MYO16: variants seen among roughly 807,000 people sequenced by gnomAD.
MYO16 encodes the protein unconventional myosin-XVI.
Under a neutral mutation model 205.3 loss-of-function variants are expected in MYO16, and 94 were observed. The ratio of observed to expected loss-of-function variants is 0.46; its 90% CI spans 0.39 to 0.54. MYO16 has a LOEUF of 0.54. MYO16 is among the 20% of genes least tolerant of loss of function. The pLI, the probability that MYO16 is intolerant of heterozygous loss-of-function variation, is 0.00. For synonymous variants in MYO16, 988 were observed against 954.0 expected (o/e 1.04, Z -0.66); for missense variants, 2,315 against 2,387.5 (o/e 0.97, Z 0.63).
In MYO16 at chr13:109,032,460, A is replaced by G. The variant is rs1011801049; in HGVS notation, c.2796+12549A>G. On this transcript the variant is annotated intron_variant, in intron 23 of 34. Transcript: ENST00000457511. The stretch of plus-strand genomic sequence containing the variant: ...ACAGTATCTTCCTAGCCAGTGAGAC[A>G]AGGCAAAGGTGTAAGAAGGTTCCCA... 2.0e-5 allele frequency among the ~76,000 whole-genome samples: 3 copies of G among 152,206 alleles called. No homozygotes were observed. The South Asian group carries it at 6.2e-4, about 31-fold the overall frequency.
chr13:108,843,651 A>G (rs2139071028), intron 9 of MYO16, among the ~76,000 whole-genome samples: 1 of 152,300 alleles, frequency 6.6e-6, no homozygotes, highest in African/African-American at 2.4e-5. Context: ...TAGGAGGCAC[A>G]TTTTTAAATC....
chr13:108,616,500 A>G (rs1347370659), intron 1 of MYO16, among the ~76,000 whole-genome samples: 1 of 152,072 alleles, frequency 6.6e-6, no homozygotes, highest in Admixed American at 6.6e-5. Context: ...GGGTCATATG[A>G]TGATGACTTG....
chr13:108,972,249 C>CTCTCTCTCTCTCTCTCTATATA (rs1178345437), intron 20 of MYO16, among the ~76,000 whole-genome samples: 1 of 2,852 alleles, frequency 3.5e-4, no homozygotes, highest in East Asian at 0.015. Context: ...CTCTCTCTCT[C>CTCTCTCTCTCTCTCTCTATATA]TATATATATA....
At chr13:109,111,874 G>C (rs1353672174) in intron 28 of MYO16, among the ~76,000 whole-genome samples, 1 of 152,062 alleles carries the variant, frequency 6.6e-6, no homozygotes, top group Non-Finnish European at 1.5e-5. Context: ...TTTTAGTAGA[G>C]ACAGGGTTTC....
chr13:109,146,930 T>C (rs1342972822), intron 32 of MYO16, among the ~76,000 whole-genome samples: 2 of 151,750 alleles, frequency 1.3e-5, no homozygotes, highest in East Asian at 3.8e-4. Context: ...TATTTTATCA[T>C]AGATGTTCTT....
intron 11 of MYO16, among the ~76,000 whole-genome samples, chr13:108,857,599 G>A (rs918253922): frequency 2.6e-5 from 4 of 152,156 alleles, no homozygotes; most frequent in African/African-American, 4.8e-5. Flanking sequence ...AGTTGTTTAT[G>A]CACTTCTCCT....
intron 34 of MYO16, among the ~76,000 whole-genome samples, chr13:109,193,292 T>C (rs1880005651): frequency 6.6e-6 from 1 of 152,234 alleles, no homozygotes; most frequent in African/African-American, 2.4e-5. Context: ...TTTTAATAGG[T>C]TCAGCATTTT....
At chr13:109,054,502 A>G (rs1887350784) in intron 25 of MYO16, among the ~76,000 whole-genome samples, 2 of 152,090 alleles carry the variant, frequency 1.3e-5, no homozygotes, top group South Asian at 4.1e-4. Context: ...CCCCAGAGTA[A>G]ACTACATTTC....
chr13:108,986,154 A>G (rs917241963), intron 20 of MYO16, among the ~76,000 whole-genome samples: 2 of 152,138 alleles, frequency 1.3e-5, no homozygotes, highest in African/African-American at 2.4e-5. Context: ...ATCTGTCCCC[A>G]TGATTCGATT....
At chr13:108,551,494 C>A in the MYO16 span, among the ~76,000 whole-genome samples, 1 of 152,158 alleles carries the variant, frequency 6.6e-6, no homozygotes, top group African/African-American at 2.4e-5. Flanking sequence ...ACAGTGAAGC[C>A]TCTGGTTTAG....
At chr13:108,525,558 A>T in the MYO16 span, among the ~76,000 whole-genome samples, 1 of 152,220 alleles carries the variant, frequency 6.6e-6, no homozygotes, top group Non-Finnish European at 1.5e-5. Context: ...ATGACTAAAA[A>T]TGTCTTCAGA....
At chr13:108,997,003 C>A (rs75288392) in intron 21 of MYO16, among the ~76,000 whole-genome samples, 52 of 152,218 alleles carry the variant, frequency 3.4e-4, no homozygotes, top group African/African-American at 1.1e-3. Context: ...TAACAATATG[C>A]TGGAATGACA....
intron 21 of MYO16, among the ~76,000 whole-genome samples, chr13:109,000,348 AAGAGTT>A (rs534501106): frequency 6.6e-6 from 1 of 152,202 alleles, no homozygotes; most frequent in Non-Finnish European, 1.5e-5. Context: ...TCAGAAAATT[AAGAGTT>A]AAAGTCCCCA....
intron 24 of MYO16, chr13:109,048,545 C>T (rs1303238402): frequency 7.5e-6 from 3 of 402,380 alleles, no homozygotes; most frequent in Admixed American, 4.3e-5. Context: ...TGACTGTATT[C>T]TGATAAAATT....
Position 109,141,375 on chromosome 13 carries a change from A to G in MYO16, c.5163A>G (p.Glu1721=). The G allele has an allele frequency of 6.7e-7, 1 of 1,503,706 alleles. No individual in the cohort carries two copies. Among genetic ancestry groups the G allele is most frequent in the South Asian group, 1.3e-5 (1 of 74,954 alleles). The allele number at this position is 1,503,706 out of a possible 1,614,324, so 93.1% of individuals were successfully genotyped here. A position where few individuals can be genotyped will look rare whatever the true frequency, so the allele number is the denominator to read the frequency against. The stretch of plus-strand genomic sequence containing the variant: ...CGGGAAGAAAAATCAGGGAAGCAGA[A>G]GGTAAGCGGAGCAGACATCCCCCCA... ...SAAGRKIREA[E]GFETNMNISS... Residue 1721 remains glutamate, a splice_region_variant and synonymous_variant, in exon 32 of 35, where the codon GAA becomes GAG. Transcript: ENST00000457511. This position sits in a 1 kb window ranked among gnomAD's most constrained non-coding sequence, Gnocchi z 4.1.
At chr13:109,002,946 A>G (rs140758612) in intron 21 of MYO16, among the ~76,000 whole-genome samples, 149 of 152,288 alleles carry the variant, frequency 9.8e-4, no homozygotes, top group South Asian at 4.2e-3. Flanking sequence ...ATATGTTCCT[A>G]TTGTTAACCT....
chr13:109,116,136 A>G (rs745942599), intron 28 of MYO16, among the ~76,000 whole-genome samples: 1 of 152,186 alleles, frequency 6.6e-6, no homozygotes, highest in Non-Finnish European at 1.5e-5. Context: ...TTGATTGAAG[A>G]ATTTTTTACA....
At chr13:108,968,889 T>G (rs1883903486) in intron 20 of MYO16, among the ~76,000 whole-genome samples, 1 of 152,154 alleles carries the variant, frequency 6.6e-6, no homozygotes, top group Non-Finnish European at 1.5e-5. Context: ...TTGTCCAGGC[T>G]TCCTCCTAGA....
At chr13:108,545,590 T>C in the MYO16 span, among the ~76,000 whole-genome samples, 1 of 152,248 alleles carries the variant, frequency 6.6e-6, no homozygotes, top group Non-Finnish European at 1.5e-5. Context: ...CTTTCCACAA[T>C]GGCTGAACTA....
Sources: gnomAD v4.1 joint callset for allele counts (sites outside exome capture counted in the v4.1 genomes callset) on GRCh38, gnomAD v4.1.1 for gene constraint, Gnocchi (gnomAD v3.1) non-coding constraint, MANE v1.5 for transcripts, NCBI Gene and HGNC (gene_info 2026-07-23, HGNC 2026-07-21) for gene names.